Variants in THRB observed in about 807,000 individuals in gnomAD.
The protein encoded by THRB is thyroid hormone receptor beta.
A neutral mutation model predicts 47.8 loss-of-function variants in THRB; 12 were observed. The observed-to-expected ratio is 0.25, with a 90% confidence interval of 0.16 to 0.41. The LOEUF (loss-of-function observed/expected upper bound fraction) is 0.41, where lower values mean the gene tolerates loss of function less well. Among genes scored for constraint, THRB ranks in the 10% least tolerant of loss-of-function variants. THRB has a pLI of 1.00. For missense variants in THRB, 348 were observed against 589.2 expected, an observed-to-expected ratio of 0.59 and a Z score of 4.24; for synonymous variants, 218 against 212.2, an observed-to-expected ratio of 1.03 and a Z score of -0.24.
chr3:24,315,789 G>T (rs2058075358), intron 2 of THRB, among the ~76,000 whole-genome samples: 1 of 152,126 alleles, frequency 6.6e-6, no homozygotes, highest in South Asian at 2.1e-4. Context: ...TAATTGCAGG[G>T]AGAAGTAGTT....
chr3:24,488,691 A>G (rs1248826086), intron 1 of THRB, among the ~76,000 whole-genome samples: 1 of 152,180 alleles, frequency 6.6e-6, no homozygotes, highest in African/African-American at 2.4e-5. Flanking sequence ...ACAATTCAAT[A>G]TATCTTAACT....
intron 8 of THRB, among the ~76,000 whole-genome samples, chr3:24,141,737 G>A (rs59417168): frequency 0.17 from 26,304 of 152,082 alleles, 2,455 homozygotes; most frequent in African/African-American, 0.22. Flanking sequence ...TAAAATTCCC[G>A]GGAGAAGTCC....
chr3:24,359,574 A>G (rs1487459375), intron 1 of THRB, among the ~76,000 whole-genome samples: 1 of 152,158 alleles, frequency 6.6e-6, no homozygotes, highest in African/African-American at 2.4e-5. Flanking sequence ...TTTAAAAACC[A>G]CCATTCCTTC....
At chr3:24,221,356 C>T (rs1371909926) in intron 4 of THRB, among the ~76,000 whole-genome samples, 1 of 152,062 alleles carries the variant, frequency 6.6e-6, no homozygotes, top group Non-Finnish European at 1.5e-5. Flanking sequence ...GATACATCCC[C>T]ACATAACAGA....
In THRB at chr3:24,491,838, G is replaced by GT. The variant is rs535663990; in HGVS notation, c.-261+2813dup. On this transcript the variant is annotated intron_variant, in intron 1 of 10. Coordinates refer to ENST00000646209, the MANE Select transcript of THRB (RefSeq NM_001354712.2). ...TCTGCTGAAATTCAGGGAGTTGAAG[G>GT]TCAATGTCTTCCAGGGATCAAGGTA... Among the ~76,000 whole-genome samples the GT allele has an allele frequency of 2.7e-3, 416 of 152,314 alleles. 1 individual carries two copies. Among genetic ancestry groups the GT allele is most frequent in the African/African-American group, 9.6e-3 (401 of 41,560 alleles).
At chr3:24,407,080 AC>A (rs199679733) in intron 1 of THRB, among the ~76,000 whole-genome samples, 1,646 of 151,950 alleles carry the variant, frequency 0.011, 35 homozygotes, top group African/African-American at 0.037. Context: ...AACTGAGAAA[AC>A]AAACTTTGGC....
chr3:24,230,906 AAACTCT>A (rs2048196824), intron 3 of THRB, among the ~76,000 whole-genome samples: 1 of 152,188 alleles, frequency 6.6e-6, no homozygotes, highest in African/African-American at 2.4e-5. Context: ...TTAGAAGTTA[AAACTCT>A]AACACTGAGA....
intron 1 of THRB, among the ~76,000 whole-genome samples, chr3:24,486,947 T>C (rs2125924419): frequency 6.6e-6 from 1 of 152,276 alleles, no homozygotes; most frequent in South Asian, 2.1e-4. Flanking sequence ...AGGTAAAATT[T>C]TAAAAGTAAA....
intron 1 of THRB, among the ~76,000 whole-genome samples, chr3:24,385,990 C>T (rs4484144): frequency 0.88 from 133,747 of 152,066 alleles, 59,948 homozygotes; most frequent in Non-Finnish European, 0.96. Flanking sequence ...AAATTACTTC[C>T]TTTATCCTCT....
rs78526261 is a variant in THRB, at chr3:24,340,654, A to G, written c.-260-3283T>C. Among the ~76,000 whole-genome samples, 604 of 152,356 alleles carry G rather than the reference A, an allele frequency of 4.0e-3. 2 individuals are homozygous for G. Among genetic ancestry groups the G allele is most frequent in the African/African-American group, 0.014 (565 of 41,594 alleles). On this transcript the variant is annotated intron_variant, in intron 1 of 10. Transcript: ENST00000646209. ...GTAAGTGCCAGTTCTCACACATACA[A>G]GTTAAAATATGGAACAAATCTCAAT...
At chr3:24,294,756 T>C (rs1380965088) in intron 3 of THRB, among the ~76,000 whole-genome samples, 1 of 152,192 alleles carries the variant, frequency 6.6e-6, no homozygotes, top group African/African-American at 2.4e-5. Context: ...AGTTCCTGCT[T>C]TGTGAAGGAA....
At chr3:24,146,166 C>T (rs554994883) in intron 7 of THRB, among the ~76,000 whole-genome samples, 2 of 152,310 alleles carry the variant, frequency 1.3e-5, no homozygotes, top group South Asian at 4.1e-4. Flanking sequence ...ACTTTGCATT[C>T]TTCAGAAATT....
intron 5 of THRB, among the ~76,000 whole-genome samples, chr3:24,162,040 C>T (rs2038932528): frequency 6.6e-6 from 1 of 152,090 alleles, no homozygotes; most frequent in East Asian, 1.9e-4. Flanking sequence ...CCGGCTGGTC[C>T]AGACTAAATC....
In THRB at chr3:24,119,829, C is replaced by T. The variant is rs544177543; in HGVS notation, c.*3055G>A. 1 of 152,194 alleles carries T rather than the reference C, an allele frequency of 6.6e-6. No homozygotes were observed. The highest frequency in any genetic ancestry group is 2.4e-5 in the African/African-American group (1 of 41,430). The allele number at this position is 152,194 out of a possible 1,614,324, so 9.4% of individuals were successfully genotyped here. A position where few individuals can be genotyped will look rare whatever the true frequency, so the allele number is the denominator to read the frequency against. On this transcript the variant is annotated 3_prime_UTR_variant, in exon 11 of 11. Coordinates refer to ENST00000646209, the MANE Select transcript of THRB (RefSeq NM_001354712.2). ...TTTCATTGTTTCTGGAAATACTGCACGTCTAAATTGAGCAAAGTACACTTG... is the reference window on the plus strand; with the variant it reads ...TTTCATTGTTTCTGGAAATACTGCATGTCTAAATTGAGCAAAGTACACTTG...
At chr3:24,451,531 G>A (rs550002959) in intron 1 of THRB, among the ~76,000 whole-genome samples, 40 of 152,074 alleles carry the variant, frequency 2.6e-4, no homozygotes, top group South Asian at 6.2e-4. Flanking sequence ...CACCACGCCC[G>A]GCCTACATGT....
intron 1 of THRB, among the ~76,000 whole-genome samples, chr3:24,413,750 T>C (rs1210950013): frequency 2.6e-5 from 4 of 151,736 alleles, no homozygotes; most frequent in African/African-American, 9.7e-5. Flanking sequence ...CAGTGTGTGA[T>C]GTTCCCCACC....
intron 1 of THRB, among the ~76,000 whole-genome samples, chr3:24,467,074 A>G (rs1000941026): frequency 6.6e-6 from 1 of 152,226 alleles, no homozygotes; most frequent in African/African-American, 2.4e-5. Context: ...TTTATGGAAT[A>G]TTCTAAATCC....
At chr3:24,368,303 G>A (rs779213111) in intron 1 of THRB, among the ~76,000 whole-genome samples, 6 of 152,128 alleles carry the variant, frequency 3.9e-5, no homozygotes, top group African/African-American at 7.2e-5. Flanking sequence ...ACTTTACTGC[G>A]GTATTGTGAC....
intron 1 of THRB, among the ~76,000 whole-genome samples, chr3:24,372,329 G>T (rs2064980434): frequency 6.6e-6 from 1 of 151,976 alleles, no homozygotes; most frequent in Admixed American, 6.6e-5. Context: ...TACAAAACTG[G>T]CTCTCTTATC....
Sources: allele counts gnomAD v4.1 joint callset (sites outside exome capture counted in the v4.1 genomes callset), GRCh38; gene constraint gnomAD v4.1.1; transcripts MANE v1.5; gene names NCBI Gene and HGNC (gene_info 2026-07-23, HGNC 2026-07-21).